CRY1: variants seen among roughly 807,000 people sequenced by gnomAD.
CRY1 encodes the protein cryptochrome circadian regulator 1.
Under a neutral mutation model 76.0 loss-of-function variants are expected in CRY1, and 45 were observed. The observed-to-expected ratio is 0.59, with a 90% CI of 0.47 to 0.76. CRY1 has a LOEUF of 0.76. CRY1 is among the 30% of genes least tolerant of loss of function. The pLI, the probability that CRY1 is intolerant of heterozygous loss-of-function variation, is 0.00. For missense variants in CRY1, 587 were observed against 716.4 expected (o/e 0.82, Z 2.06); for synonymous variants, 248 against 244.0 (o/e 1.02, Z -0.15).
chr12:107,053,254 A>G (rs1952943534), intron 1 of CRY1, among the ~76,000 whole-genome samples: 1 of 152,226 alleles, frequency 6.6e-6, no homozygotes, highest in South Asian at 2.1e-4. Context: ...AGTACAGAGA[A>G]CCAAAGAGAT....
chr12:106,995,106 A>G (rs1261648881), intron 10 of CRY1, among the ~76,000 whole-genome samples: 1 of 152,232 alleles, frequency 6.6e-6, no homozygotes, highest in Non-Finnish European at 1.5e-5. Flanking sequence ...ATCTTAGCTC[A>G]ACTACTTACT....
intron 1 of CRY1, among the ~76,000 whole-genome samples, chr12:107,023,945 T>C (rs184869477): frequency 6.6e-6 from 1 of 152,202 alleles, no homozygotes; most frequent in Non-Finnish European, 1.5e-5. Flanking sequence ...TCATGTCTGG[T>C]GACAAATGTT....
chr12:107,046,007 G>A (rs957031624), intron 1 of CRY1, among the ~76,000 whole-genome samples: 1 of 151,852 alleles, frequency 6.6e-6, no homozygotes, highest in African/African-American at 2.4e-5. Context: ...AGCACCTGTA[G>A]TCCCAGCTAT....
At chr12:107,000,630 A>G (rs1443808012) in intron 5 of CRY1, among the ~76,000 whole-genome samples, 1 of 150,506 alleles carries the variant, frequency 6.6e-6, no homozygotes, top group Non-Finnish European at 1.5e-5. Flanking sequence ...GATTACAGGT[A>G]TGAGCCACCA....
At chr12:107,006,996 T>C (rs1272868281) in intron 2 of CRY1, among the ~76,000 whole-genome samples, 2 of 152,174 alleles carry the variant, frequency 1.3e-5, no homozygotes, top group Non-Finnish European at 2.9e-5. Context: ...TAGTATCTCA[T>C]TAAAAATTTT....
chr12:106,995,711 G>A (rs1032565891), intron 10 of CRY1, among the ~76,000 whole-genome samples: 3 of 151,818 alleles, frequency 2.0e-5, no homozygotes, highest in Non-Finnish European at 4.4e-5. Context: ...TTGTTACATA[G>A]GCAAACATGT....
At chr12:107,021,682 A>ATG (rs928523256) in intron 2 of CRY1, among the ~76,000 whole-genome samples, 5 of 151,756 alleles carry the variant, frequency 3.3e-5, no homozygotes, top group Admixed American at 3.3e-4. Flanking sequence ...AAACACATGG[A>ATG]TGTGTGTGTG....
intron 1 of CRY1, among the ~76,000 whole-genome samples, chr12:107,032,670 A>G (rs1441510417): frequency 6.6e-6 from 1 of 152,206 alleles, no homozygotes; most frequent in Non-Finnish European, 1.5e-5. Context: ...TTAGTTGGGC[A>G]TGATGGCATG....
chr12:107,028,896 T>C (rs1474948997), intron 1 of CRY1, among the ~76,000 whole-genome samples: 3 of 152,096 alleles, frequency 2.0e-5, no homozygotes, highest in African/African-American at 7.2e-5. Context: ...TTTATATAGG[T>C]GATAAATACA....
At chr12:107,042,345 T>C (rs1434534547) in intron 1 of CRY1, among the ~76,000 whole-genome samples, 13 of 152,154 alleles carry the variant, frequency 8.5e-5, no homozygotes, top group Non-Finnish European at 1.8e-4. Context: ...TCCCAAAATA[T>C]TAATTACAGA....
At chr12:107,068,223 T>C (rs976463616) in intron 1 of CRY1, among the ~76,000 whole-genome samples, 1 of 152,182 alleles carries the variant, frequency 6.6e-6, no homozygotes, top group Non-Finnish European at 1.5e-5. Context: ...ATTAAAAGTT[T>C]GCCAATCTCT....
intron 2 of CRY1, 29 bp downstream of exon 2, chr12:107,022,055 T>G: frequency 6.8e-7 from 1 of 1,468,106 alleles, no homozygotes; most frequent in South Asian, 1.2e-5. Context: ...TGAGAAAAGA[T>G]TGTTTTATGC....
At chr12:107,033,263 C>T (rs907433185) in intron 1 of CRY1, among the ~76,000 whole-genome samples, 1 of 152,048 alleles carries the variant, frequency 6.6e-6, no homozygotes. Context: ...GAATCCATAG[C>T]TTAAAATCTT....
intron 1 of CRY1, among the ~76,000 whole-genome samples, chr12:107,052,496 G>A (rs926847321): frequency 6.6e-6 from 1 of 152,064 alleles, no homozygotes; most frequent in Non-Finnish European, 1.5e-5. Flanking sequence ...AGTAAAGACA[G>A]AATAATACAA....
chr12:107,009,559 A>AC (rs202145952), intron 2 of CRY1, among the ~76,000 whole-genome samples: 21,039 of 63,856 alleles, frequency 0.33, 2,351 homozygotes, highest in East Asian at 0.44. Context: ...AAAAAACAAA[A>AC]AAACATATAT....
intron 1 of CRY1, among the ~76,000 whole-genome samples, chr12:107,048,144 T>C (rs540376973): frequency 1.4e-4 from 22 of 152,096 alleles, no homozygotes; most frequent in African/African-American, 5.3e-4. Flanking sequence ...GCAATGGCAT[T>C]ATCTCCATTT....
At chr12:107,020,028 A>C (rs574738989) in intron 2 of CRY1, among the ~76,000 whole-genome samples, 40 of 152,294 alleles carry the variant, frequency 2.6e-4, no homozygotes, top group Non-Finnish European at 1.6e-4. Context: ...TCTTATATTC[A>C]TGAGTTGCTG....
Position 107,093,092 on chromosome 12 carries a change from A to T in CRY1, c.-131T>A, listed in dbSNP as rs532358001. 10 of 1,089,566 alleles carry T rather than the reference A, an allele frequency of 9.2e-6. No individual in the cohort carries two copies. In the South Asian group the frequency reaches 1.6e-4, roughly 18 times the overall value. 67.5% of individuals were successfully genotyped at this position (1,089,566 alleles called of 1,614,324 possible). On this transcript the variant is annotated 5_prime_UTR_variant, in exon 1 of 13. Coordinates refer to ENST00000008527, the MANE Select transcript of CRY1 (RefSeq NM_004075.5). ...GAAAGGGCGGCAGAGGGGGAACAGGAAAAAATGACTCCGAGGAGGGGACCG... is the reference window on the plus strand; with the variant it reads ...GAAAGGGCGGCAGAGGGGGAACAGGTAAAAATGACTCCGAGGAGGGGACCG...
At chr12:107,053,522 T>C (rs952068775) in intron 1 of CRY1, among the ~76,000 whole-genome samples, 1 of 152,198 alleles carries the variant, frequency 6.6e-6, no homozygotes, top group Non-Finnish European at 1.5e-5. Context: ...TTCTCCATGT[T>C]GGTCAGGCTG....
Sources: gnomAD v4.1 joint callset for allele counts (sites outside exome capture counted in the v4.1 genomes callset) on GRCh38, gnomAD v4.1.1 for gene constraint, MANE v1.5 for transcripts, NCBI Gene and HGNC (gene_info 2026-07-23, HGNC 2026-07-21) for gene names.